Variants in USP8 observed in about 807,000 individuals in gnomAD.
USP8 encodes the protein ubiquitin specific peptidase 8, also known as ubiquitin carboxyl-terminal hydrolase 8.
USP8 carries 27 observed loss-of-function variants against 130.0 expected under a neutral mutation model. That is an observed-to-expected ratio of 0.21 (90% CI 0.15 to 0.29). The LOEUF (loss-of-function observed/expected upper bound fraction) is 0.29, where lower values mean the gene tolerates loss of function less well. USP8 is among the 10% of genes least tolerant of loss of function. The probability of loss-of-function intolerance (pLI) is 1.00; values close to 1 mark genes in which losing one functional copy is unlikely to be tolerated. For synonymous variants in USP8, 392 were observed against 444.1 expected (o/e 0.88, Z 1.48); for missense variants, 1,029 against 1,312.2 (o/e 0.78, Z 3.33).
intron 6 of USP8, 123 bp from the exon 7 acceptor site, chr15:50,464,924 G>A (rs2141284811): frequency 1.0e-6 from 1 of 953,550 alleles, no homozygotes; most frequent in African/African-American, 1.7e-5. Flanking sequence ...TAGTAAATAT[G>A]TGGCATCCAT....
chr15:50,453,344 A>C (rs578190834), intron 4 of USP8, among the ~76,000 whole-genome samples: 76 of 152,292 alleles, frequency 5.0e-4, no homozygotes, highest in South Asian at 1.0e-3. Context: ...TTGTTTTCCC[A>C]GTAGAACTTT....
chr15:50,494,049 T>TAAC (rs753155333), intron 15 of USP8, 21 bp from the exon 16 acceptor site: 3 of 1,593,424 alleles, frequency 1.9e-6, no homozygotes, highest in East Asian at 2.2e-5. Context: ...TTGTCTTTTG[T>TAAC]AACAACTTTT....
At chr15:50,435,266 C>T (rs927066624) in intron 1 of USP8, among the ~76,000 whole-genome samples, 3 of 152,014 alleles carry the variant, frequency 2.0e-5, no homozygotes, top group Admixed American at 6.6e-5. Context: ...AACCAATGGC[C>T]GATTGGGAAT....
At chr15:50,437,277 C>T (rs954533385) in intron 1 of USP8, among the ~76,000 whole-genome samples, 5 of 152,140 alleles carry the variant, frequency 3.3e-5, no homozygotes, top group African/African-American at 1.2e-4. Flanking sequence ...CCTGAAGCTC[C>T]TTATATGTAT....
intron 17 of USP8, chr15:50,496,843 C>T (rs868375662): frequency 3.3e-5 from 11 of 332,906 alleles, no homozygotes; most frequent in Middle Eastern, 7.9e-4. Flanking sequence ...CTCTGATTGA[C>T]CAGGTTAGGG....
At chr15:50,464,031 C>T (rs1455106801) in intron 6 of USP8, among the ~76,000 whole-genome samples, 1 of 152,070 alleles carries the variant, frequency 6.6e-6, no homozygotes, top group Non-Finnish European at 1.5e-5. Flanking sequence ...AAATGAACAT[C>T]AAGTAGAATG....
chr15:50,438,228 A>G (rs2050146019), intron 1 of USP8, among the ~76,000 whole-genome samples: 1 of 152,178 alleles, frequency 6.6e-6, no homozygotes, highest in Non-Finnish European at 1.5e-5. Flanking sequence ...TTAGGATTAG[A>G]TGTTCATTGA....
Position 50,495,488 on chromosome 15 carries a change from G to GT in USP8, c.2659-360_2659-359insT, listed in dbSNP as rs1358060851. On this transcript the variant is annotated intron_variant, in intron 16 of 19. Coordinates refer to ENST00000307179, the MANE Select transcript of USP8 (RefSeq NM_005154.5). ...TTTCTTTTTTTAGTAGAGATTGGAG[G>GT]GGGGGGTCTCACTATGTTGCACAAG... Among the ~76,000 whole-genome samples, 3 of 148,598 alleles carry GT rather than the reference G, an allele frequency of 2.0e-5. 1 individual carries two copies. The highest frequency in any genetic ancestry group is 4.0e-4 in the East Asian group (2 of 5,018).
chr15:50,432,875 A>G (rs553814618), intron 1 of USP8, among the ~76,000 whole-genome samples: 1 of 152,312 alleles, frequency 6.6e-6, no homozygotes, highest in East Asian at 1.9e-4. Flanking sequence ...TGCTCAGAAA[A>G]TACCATACAT....
intron 12 of USP8, among the ~76,000 whole-genome samples, chr15:50,486,635 A>G (rs898922878): frequency 1.3e-5 from 2 of 152,262 alleles, no homozygotes; most frequent in African/African-American, 4.8e-5. Flanking sequence ...TTCATTAACT[A>G]CAGAAGTCAA....
intron 5 of USP8, among the ~76,000 whole-genome samples, chr15:50,461,071 C>CA (rs2050982098): frequency 6.6e-6 from 1 of 151,986 alleles, no homozygotes; most frequent in Non-Finnish European, 1.5e-5. Flanking sequence ...CAGCTCACTG[C>CA]AACCTCCACC....
intron 4 of USP8, among the ~76,000 whole-genome samples, chr15:50,454,519 G>A (rs779114570): frequency 3.5e-4 from 51 of 146,962 alleles, no homozygotes; most frequent in Admixed American, 9.0e-4. Flanking sequence ...AGTGGCACAC[G>A]ATCTTGGCTT....
chr15:50,433,812 A>G (rs1239632887), intron 1 of USP8, among the ~76,000 whole-genome samples: 4 of 152,000 alleles, frequency 2.6e-5, no homozygotes, highest in South Asian at 2.1e-4. Flanking sequence ...TCACCGTGTT[A>G]GCCAGGATGG....
intron 3 of USP8, among the ~76,000 whole-genome samples, chr15:50,444,174 G>A (rs1480796347): frequency 1.4e-5 from 2 of 147,776 alleles, no homozygotes; most frequent in Admixed American, 1.4e-4. Context: ...CATGATTTTG[G>A]CTCACTGCAA....
At chr15:50,455,060 A>AT (rs2050749860) in intron 4 of USP8, among the ~76,000 whole-genome samples, 1 of 151,318 alleles carries the variant, frequency 6.6e-6, no homozygotes, top group African/African-American at 2.4e-5. Context: ...TTTTTCAGTT[A>AT]TATGTTTCAA....
chr15:50,444,528 G>A (rs886072769), intron 3 of USP8: 3 of 151,678 alleles, frequency 2.0e-5, no homozygotes, highest in African/African-American at 7.3e-5. Flanking sequence ...TTCTTGAGAA[G>A]GTAGTGAGTA....
Position 50,509,423 on chromosome 15 carries a change from G to C in USP8, c.*10335G>C, listed in dbSNP as rs772090859. The C allele has an allele frequency of 6.6e-6, 1 of 152,076 alleles. No individual in the cohort carries two copies. Among genetic ancestry groups the C allele is most frequent in the Non-Finnish European group, 1.5e-5 (1 of 68,110 alleles). 9.4% of individuals were successfully genotyped at this position (152,076 alleles called of 1,614,324 possible). ...AGCACTTTGGAAGGCTGAGGCAGGC[G>C]GATCACCAGGTCAGGAAATTGAGAC... On this transcript the variant is annotated 3_prime_UTR_variant, in exon 20 of 20. Coordinates refer to ENST00000307179, the MANE Select transcript of USP8 (RefSeq NM_005154.5).
intron 8 of USP8, among the ~76,000 whole-genome samples, chr15:50,474,857 C>T (rs1190096172): frequency 6.6e-6 from 1 of 152,130 alleles, no homozygotes; most frequent in Admixed American, 6.6e-5. Context: ...ACCTGTGATC[C>T]CAGCACTTTG....
rs746289412 is a variant in USP8 at position 50,481,802 on chromosome 15, A to G, written c.1540A>G (p.Ile514Val). 19 of 1,534,266 alleles carry G rather than the reference A, an allele frequency of 1.2e-5. 1 individual carries two copies. In the East Asian group the frequency reaches 4.6e-4, roughly 37 times the overall value. Residue 514 changes from isoleucine to valine, a missense_variant, in exon 11 of 20, where the codon ATT becomes GTT. By Grantham distance (29) the Ile-to-Val change is conservative. Coordinates refer to ENST00000307179, the MANE Select transcript of USP8 (RefSeq NM_005154.5). ...KKKQEAEENE[I>V]TEKQQKAKEE... is the part of the protein sequence containing the mutation. The stretch of plus-strand genomic sequence containing the variant: ...GAAACAAGAAGCTGAAGAAAATGAA[A>G]TTACAGAGAAGCAACAAAAAGCAAA...
Sources: gnomAD v4.1 joint callset for allele counts (sites outside exome capture counted in the v4.1 genomes callset) on GRCh38, gnomAD v4.1.1 for gene constraint, MANE v1.5 for transcripts, NCBI Gene and HGNC (gene_info 2026-07-23, HGNC 2026-07-21) for gene names.